Variants in KCNH7 observed in about 807,000 individuals in gnomAD.
KCNH7 encodes the protein potassium voltage-gated channel subfamily H member 7, also known as voltage-gated inwardly rectifying potassium channel KCNH7.
Under a neutral mutation model 120.8 loss-of-function variants are expected in KCNH7, and 49 were observed. The ratio of observed to expected loss-of-function variants is 0.41; its 90% CI spans 0.32 to 0.51. The LOEUF (loss-of-function observed/expected upper bound fraction) is 0.51. Ranked by LOEUF, KCNH7 falls within the 20% of genes least tolerant of loss-of-function variation. The pLI is 0.38. For synonymous variants in KCNH7, 547 were observed against 516.1 expected, an observed-to-expected ratio of 1.06 and a Z score of -0.81; for missense variants, 1,097 against 1,446.6, an observed-to-expected ratio of 0.76 and a Z score of 3.92.
At chr2:162,499,053 ATCT>A (rs1690590716) in intron 6 of KCNH7, among the ~76,000 whole-genome samples, 1 of 152,124 alleles carries the variant, frequency 6.6e-6, no homozygotes, top group African/African-American at 2.4e-5. Flanking sequence ...CCACGGCACC[ATCT>A]TCTTTAACTA....
At chr2:162,390,930 T>C (rs766385019) in intron 12 of KCNH7, among the ~76,000 whole-genome samples, 1 of 152,036 alleles carries the variant, frequency 6.6e-6, no homozygotes, top group Non-Finnish European at 1.5e-5. Flanking sequence ...TTATATCTTA[T>C]TCAATGTGAG....
At chr2:162,424,903 G>A (rs1687810993) in intron 8 of KCNH7, among the ~76,000 whole-genome samples, 2 of 152,178 alleles carry the variant, frequency 1.3e-5, no homozygotes, top group African/African-American at 4.8e-5. Flanking sequence ...CTGGGCCACA[G>A]TGTGCCTGGA....
intron 6 of KCNH7, among the ~76,000 whole-genome samples, chr2:162,499,112 T>G (rs888312027): frequency 6.6e-6 from 1 of 152,028 alleles, no homozygotes; most frequent in Non-Finnish European, 1.5e-5. Flanking sequence ...AATACAAAAC[T>G]TGTCAAAGCT....
At chr2:162,641,645 C>G (rs1435395908) in intron 2 of KCNH7, among the ~76,000 whole-genome samples, 1 of 151,890 alleles carries the variant, frequency 6.6e-6, no homozygotes, top group Non-Finnish European at 1.5e-5. Flanking sequence ...GGCTAGAGGT[C>G]AGGGATTAAG....
At chr2:162,592,864 T>C (rs1169652116) in intron 2 of KCNH7, among the ~76,000 whole-genome samples, 1 of 152,100 alleles carries the variant, frequency 6.6e-6, no homozygotes, top group Non-Finnish European at 1.5e-5. Context: ...TTGATGTAGT[T>C]TTGACATCCA....
intron 6 of KCNH7, among the ~76,000 whole-genome samples, chr2:162,491,875 T>G (rs934865464): frequency 6.6e-6 from 1 of 152,188 alleles, no homozygotes; most frequent in African/African-American, 2.4e-5. Context: ...TGGGATTCCT[T>G]TGGGGAAAAA....
At chr2:162,773,422 A>C (rs1683130243) in intron 2 of KCNH7, among the ~76,000 whole-genome samples, 1 of 152,244 alleles carries the variant, frequency 6.6e-6, no homozygotes, top group Admixed American at 6.5e-5. Flanking sequence ...CAGGAGGTGG[A>C]GGTTGCAGTG....
chr2:162,596,000 C>G (rs1240095861), intron 2 of KCNH7, among the ~76,000 whole-genome samples: 1 of 151,790 alleles, frequency 6.6e-6, no homozygotes, highest in African/African-American at 2.4e-5. Context: ...GTTAACTAAC[C>G]AGGTTAAATA....
chr2:162,398,729 G>A (rs987152566), intron 10 of KCNH7, among the ~76,000 whole-genome samples: 2 of 151,856 alleles, frequency 1.3e-5, no homozygotes, highest in African/African-American at 4.8e-5. Context: ...TAGAAGCTAG[G>A]ACTGGCTGAC....
At chr2:162,525,583 T>C (rs1371692747) in intron 3 of KCNH7, among the ~76,000 whole-genome samples, 1 of 151,986 alleles carries the variant, frequency 6.6e-6, no homozygotes, top group East Asian at 1.9e-4. Context: ...AATAACAGCT[T>C]AATAAATCAA....
rs191301868 is a variant in KCNH7 at position 162,536,715 on chromosome 2, A to C, written c.463+210T>G. ...TGTCAGGGGACTGGTTAAATACATT[A>C]TATTATATCCAAGTTAAATGGCTTT... On this transcript the variant is annotated intron_variant, in intron 3 of 15. Coordinates refer to ENST00000332142, the MANE Select transcript of KCNH7 (RefSeq NM_033272.4). Among the ~76,000 whole-genome samples, 5 of 152,154 alleles carry C rather than the reference A, an allele frequency of 3.3e-5. No homozygotes were observed. The East Asian group carries it at 9.7e-4, about 30-fold the overall frequency.
intron 11 of KCNH7, 119 bp downstream of exon 11, chr2:162,396,621 A>G (rs1279492711): frequency 8.4e-6 from 6 of 713,136 alleles, no homozygotes; most frequent in Admixed American, 3.1e-5. Context: ...CCTTCCAAAT[A>G]TTCAGAATTG....
chr2:162,504,703 G>C, intron 5 of KCNH7, 46 bp from the exon 6 acceptor site: 3 of 1,247,374 alleles, frequency 2.4e-6, no homozygotes, highest in Non-Finnish European at 3.5e-6. Flanking sequence ...AGAAGATATA[G>C]AAGAAAGAGA....
chr2:162,466,999 A>G (rs1689331921), intron 6 of KCNH7, among the ~76,000 whole-genome samples: 1 of 152,186 alleles, frequency 6.6e-6, no homozygotes, highest in South Asian at 2.1e-4. Flanking sequence ...CCAGCATGTC[A>G]TTTCCAAATA....
At chr2:162,447,350 A>G (rs1688615385) in intron 6 of KCNH7, among the ~76,000 whole-genome samples, 1 of 152,162 alleles carries the variant, frequency 6.6e-6, no homozygotes, top group Admixed American at 6.6e-5. Flanking sequence ...ACTAAGTTTT[A>G]AAAACAAAAG....
intron 2 of KCNH7, among the ~76,000 whole-genome samples, chr2:162,658,288 A>T (rs1684843061): frequency 6.6e-6 from 1 of 152,028 alleles, no homozygotes; most frequent in Non-Finnish European, 1.5e-5. Flanking sequence ...CCTTTGTTAA[A>T]GGATAGGTGA....
chr2:162,492,564 C>T (rs6731526), intron 6 of KCNH7, among the ~76,000 whole-genome samples: 1 of 152,180 alleles, frequency 6.6e-6, no homozygotes, highest in Non-Finnish European at 1.5e-5. Flanking sequence ...ATCTTCCCTT[C>T]CCTGAGCTAC....
chr2:162,375,328 TG>T (rs1252453814), intron 14 of KCNH7, among the ~76,000 whole-genome samples: 1 of 152,198 alleles, frequency 6.6e-6, no homozygotes, highest in African/African-American at 2.4e-5. Flanking sequence ...ATTATCGTGA[TG>T]TTTTTGTCAT....
intron 2 of KCNH7, among the ~76,000 whole-genome samples, chr2:162,748,836 C>CATTTTCCACCCCTTTCT (rs1688413816): frequency 9.6e-6 from 1 of 104,338 alleles, no homozygotes; most frequent in African/African-American, 4.8e-5. Context: ...CCCTCCCCTC[C>CATTTTCCACCCCTTTCT]TCTCCCCTCC....
Sources: gnomAD v4.1 joint callset for allele counts (sites outside exome capture counted in the v4.1 genomes callset) on GRCh38, gnomAD v4.1.1 for gene constraint, MANE v1.5 for transcripts, NCBI Gene and HGNC (gene_info 2026-07-23, HGNC 2026-07-21) for gene names.